SPECC1L: variants seen among roughly 807,000 people sequenced by gnomAD.
The protein encoded by SPECC1L is cytospin-A.
A neutral mutation model predicts 116.8 loss-of-function variants in SPECC1L; 40 were observed. The observed-to-expected ratio is 0.34, with a 90% CI of 0.27 to 0.45. The LOEUF is 0.45. Ranked by LOEUF, SPECC1L falls within the 20% of genes least tolerant of loss-of-function variation. The pLI is 1.00. For missense variants in SPECC1L, 1,110 were observed against 1,373.6 expected (o/e 0.81, Z 3.03); for synonymous variants, 504 against 500.6 (o/e 1.01, Z -0.09).
intron 11 of SPECC1L, among the ~76,000 whole-genome samples, chr22:24,355,281 CAAAAAAAAAAA>C (rs751981921): frequency 1.4e-3 from 77 of 56,012 alleles, no homozygotes; most frequent in African/African-American, 4.9e-3. Flanking sequence ...GACTCCATCT[CAAAAAAAAAAA>C]AAAAAAAAAA....
chr22:24,319,362 G>A (rs377343980), intron 4 of SPECC1L, among the ~76,000 whole-genome samples: 1 of 152,328 alleles, frequency 6.6e-6, no homozygotes, highest in East Asian at 1.9e-4. Context: ...ACCATCGGCT[G>A]TCATGAGAAC....
intron 14 of SPECC1L, among the ~76,000 whole-genome samples, chr22:24,385,894 G>T (rs1411979917): frequency 3.3e-5 from 5 of 152,170 alleles, no homozygotes; most frequent in Non-Finnish European, 5.9e-5. Flanking sequence ...TAACTACTTT[G>T]TCCTGACTGA....
chr22:24,274,483 C>A (rs543879113), intron 1 of SPECC1L, among the ~76,000 whole-genome samples: 2 of 152,312 alleles, frequency 1.3e-5, no homozygotes, highest in South Asian at 4.1e-4. Context: ...TCTACTTCTT[C>A]AGAATAGTAG....
At chr22:24,345,486 G>A (rs1032993844) in intron 10 of SPECC1L, among the ~76,000 whole-genome samples, 3 of 152,136 alleles carry the variant, frequency 2.0e-5, no homozygotes, top group East Asian at 1.9e-4. Flanking sequence ...TCTGAAAGAC[G>A]TTAAGAAAAT....
chr22:24,380,731 T>C (rs2042049317), intron 14 of SPECC1L, among the ~76,000 whole-genome samples: 1 of 152,218 alleles, frequency 6.6e-6, no homozygotes, highest in South Asian at 2.1e-4. Flanking sequence ...GGCATTCTGG[T>C]TTATTATCAG....
intron 2 of SPECC1L, among the ~76,000 whole-genome samples, chr22:24,289,716 A>G (rs1388030949): frequency 6.8e-6 from 1 of 146,648 alleles, no homozygotes; most frequent in Non-Finnish European, 1.5e-5. Context: ...TTTTTTTAGC[A>G]TCCTATGTGT....
At chr22:24,393,492 T>C (rs2042309919) in intron 14 of SPECC1L, among the ~76,000 whole-genome samples, 1 of 152,208 alleles carries the variant, frequency 6.6e-6, no homozygotes, top group Non-Finnish European at 1.5e-5. Flanking sequence ...ACCCAGGATA[T>C]CTTCCATCAG....
intron 2 of SPECC1L, among the ~76,000 whole-genome samples, chr22:24,286,750 A>G (rs558748329): frequency 2.6e-5 from 4 of 152,256 alleles, no homozygotes; most frequent in African/African-American, 9.6e-5. Flanking sequence ...TACTTTTTGC[A>G]GTAATTCAGG....
chr22:24,368,401 C>T (rs752769024), intron 13 of SPECC1L, among the ~76,000 whole-genome samples: 1 of 152,136 alleles, frequency 6.6e-6, no homozygotes, highest in South Asian at 2.1e-4. Flanking sequence ...AGGCAAAATT[C>T]TAACTGCCTA....
chr22:24,334,013 T>A (rs918066819), intron 8 of SPECC1L, among the ~76,000 whole-genome samples: 6 of 147,020 alleles, frequency 4.1e-5, no homozygotes, highest in African/African-American at 1.6e-4. Flanking sequence ...AGTTTTTTGT[T>A]GTTTTTTTTT....
In SPECC1L at chr22:24,412,274, C is replaced by T. The variant is rs2042713534; in HGVS notation, c.3205-374C>T. ...CCCCAGTCCCCTGCTTCCCCCATGT[C>T]AGCCCCCAGCCCTGCAGACAACCCT... On this transcript the variant is annotated intron_variant, in intron 15 of 16. Coordinates refer to ENST00000314328, the MANE Select transcript of SPECC1L (RefSeq NM_015330.6). 6 of 375,962 alleles carry T rather than the reference C, an allele frequency of 1.6e-5. 1 individual carries two copies. The highest frequency in any genetic ancestry group is 1.3e-4 in the South Asian group (6 of 44,794). The allele number at this position is 375,962 out of a possible 1,614,324, so 23.3% of individuals were successfully genotyped here. A position where few individuals can be genotyped will look rare whatever the true frequency, so the allele number is the denominator to read the frequency against.
In SPECC1L at chr22:24,369,036, T is replaced by G. The variant is rs78886454; in HGVS notation, c.2985-182T>G. Among the ~76,000 whole-genome samples, 5,152 of 152,342 alleles carry G rather than the reference T, an allele frequency of 0.034. 178 individuals are homozygous for G. Among genetic ancestry groups the G allele is most frequent in the African/African-American group, 0.083 (3,447 of 41,566 alleles). ...GTCCCTTTCTTCAGTTAGCAAAGAA[T>G]TCTGACAACAGTGCATCTATGGAGC... On this transcript the variant is annotated intron_variant, in intron 13 of 16. Coordinates refer to ENST00000314328, the MANE Select transcript of SPECC1L (RefSeq NM_015330.6).
intron 14 of SPECC1L, among the ~76,000 whole-genome samples, chr22:24,410,931 A>G (rs1278074744): frequency 2.6e-5 from 4 of 152,136 alleles, no homozygotes; most frequent in Non-Finnish European, 4.4e-5. Context: ...GCTCACACCT[A>G]TAATCCCAGC....
At chr22:24,295,336 T>A (rs2049238490) in intron 2 of SPECC1L, among the ~76,000 whole-genome samples, 2 of 150,594 alleles carry the variant, frequency 1.3e-5, no homozygotes, top group Non-Finnish European at 2.9e-5. Flanking sequence ...ATAATTGTTT[T>A]AAAAAGTAAT....
At position 24,321,312 on chromosome 22, in the gene SPECC1L, G is replaced by A. The variant is rs1048759039; in HGVS notation, c.332G>A (p.Ser111Asn). 1.2e-6 allele frequency: 2 copies of A among 1,614,116 alleles called. No homozygotes were observed. The highest frequency in any genetic ancestry group is 2.2e-5 in the South Asian group (2 of 91,082). The change falls in exon 5 of 17, where the codon AGC (serine) becomes AAC (asparagine). Residue 111 changes from serine (S) to asparagine (N), a missense_variant. Around this residue, in one of 4 missense-constraint regions of SPECC1L, gnomAD observed 437 missense variants for 482.6 expected, o/e 0.91. Transcript: ENST00000314328. ...STGTASSTKR[S>N]TSTGNKESSS... ...GGCACAGCTTCTTCAACCAAGCGGA[G>A]CACTTCTACAGGTAATAAAGAATCC...
At position 24,322,772 on chromosome 22, in the gene SPECC1L, A is replaced by G. The variant is rs770425834; in HGVS notation, c.1792A>G (p.Asn598Asp). The G allele has an allele frequency of 6.3e-7, 1 of 1,584,156 alleles. No homozygotes were observed. Among genetic ancestry groups the G allele is most frequent in the South Asian group, 1.2e-5 (1 of 85,026 alleles). The change falls in exon 5 of 17, where the codon AAC (asparagine) becomes GAC (aspartate). Residue 598 changes from asparagine to aspartate, a missense_variant. By Grantham distance (23) the Asn-to-Asp change is conservative. This residue lies in a region of SPECC1L where 575 missense variants were observed against 682.4 expected (regional missense o/e 0.84). Transcript: ENST00000314328. ...QKVAELYSIH[N>D]SGDKSDIQDL... ...AGTGGCAGAGCTGTATTCTATCCAT[A>G]ACTCTGGAGACAAATCTGATATTCA...
At chr22:24,313,173 G>T in intron 3 of SPECC1L, 140 bp from the exon 4 acceptor site, 1 of 767,872 alleles carries the variant, frequency 1.3e-6, no homozygotes, top group Non-Finnish European at 2.3e-6. Flanking sequence ...GGACAGTATG[G>T]TGTGCTGCTT....
rs536916511 is a variant in SPECC1L, at chr22:24,343,943, A to G, written c.2653-3143A>G. On this transcript the variant is annotated intron_variant, in intron 10 of 16. Coordinates refer to ENST00000314328, the MANE Select transcript of SPECC1L (RefSeq NM_015330.6). ...CTTTACAACTTCCTGGGAATCCATA[A>G]TTATTTCAGAATAAAAGTTTAAAAT... Among the ~76,000 whole-genome samples the G allele has an allele frequency of 2.6e-5, 4 of 152,328 alleles. No homozygotes were observed. In the East Asian group the frequency reaches 7.7e-4, roughly 29 times the overall value.
chr22:24,317,771 G>A (rs1398172658), intron 4 of SPECC1L, among the ~76,000 whole-genome samples: 2 of 150,702 alleles, frequency 1.3e-5, no homozygotes, highest in East Asian at 2.0e-4. Flanking sequence ...CAGACGGGGC[G>A]GCTGCTGGGC....
Sources: gnomAD v4.1 joint callset for allele counts (sites outside exome capture counted in the v4.1 genomes callset) on GRCh38, gnomAD v4.1.1 for gene constraint, gnomAD v4.1.1 regional missense constraint, MANE v1.5 for transcripts, NCBI Gene and HGNC (gene_info 2026-07-23, HGNC 2026-07-21) for gene names.